The following AKNA variants were observed in gnomAD, a reference collection of about 807,000 sequenced individuals.
AKNA encodes microtubule organization protein AKNA.
Under a neutral mutation model 138.8 loss-of-function variants are expected in AKNA, and 67 were observed. That is an observed-to-expected ratio of 0.48 (90% CI 0.40 to 0.59). AKNA has a LOEUF of 0.59. Among genes scored for constraint, AKNA ranks in the 20% least tolerant of loss-of-function variants. The pLI is 0.00. For synonymous variants in AKNA, 737 were observed against 754.4 expected, an observed-to-expected ratio of 0.98 and a Z score of 0.38; for missense variants, 1,813 against 1,880.4, an observed-to-expected ratio of 0.96 and a Z score of 0.66.
At chr9:114,343,338 C>A (rs1389538435) in intron 19 of AKNA, among the ~76,000 whole-genome samples, 1 of 152,128 alleles carries the variant, frequency 6.6e-6, no homozygotes, top group African/African-American at 2.4e-5. Flanking sequence ...GGACTAGAAC[C>A]CATTGCCTGG....
intron 4 of AKNA, 104 bp downstream of exon 4, chr9:114,373,989 G>T: frequency 2.4e-6 from 3 of 1,245,184 alleles, no homozygotes; most frequent in Non-Finnish European, 3.4e-6. Context: ...TATCTCCAGG[G>T]CCTCAGTAGA....
chr9:114,361,994 ACT>A, intron 8 of AKNA, 83 bp from the exon 9 acceptor site: 2 of 1,411,148 alleles, frequency 1.4e-6, no homozygotes, highest in Non-Finnish European at 1.9e-6. Context: ...CAGAGCAGAG[ACT>A]CCAGGGGATG....
chr9:114,390,268 T>G (rs548395386), upstream of AKNA, among the ~76,000 whole-genome samples: 1 of 152,116 alleles, frequency 6.6e-6, no homozygotes, highest in South Asian at 2.1e-4. Flanking sequence ...CTGCCCCCTC[T>G]TGGATCACTG....
At chr9:114,338,225 T>C (rs1344174076) in intron 21 of AKNA, among the ~76,000 whole-genome samples, 3 of 152,232 alleles carry the variant, frequency 2.0e-5, no homozygotes, top group Admixed American at 2.0e-4. Flanking sequence ...TTATACAGTG[T>C]GTAGAAACAG....
intron 9 of AKNA, among the ~76,000 whole-genome samples, 188 bp from the exon 10 acceptor site, chr9:114,360,250 G>C (rs1323893454): frequency 1.3e-5 from 2 of 152,160 alleles, no homozygotes; most frequent in African/African-American, 4.8e-5. Flanking sequence ...GATACTGGCT[G>C]CCATGAATTG....
rs1354090636 is a variant in AKNA, at chr9:114,359,598, G to A, written c.2488C>T (p.Leu830=). 1 of 1,614,164 alleles carries A rather than the reference G, an allele frequency of 6.2e-7. No individual in the cohort carries two copies. Among genetic ancestry groups the A allele is most frequent in the South Asian group, 1.1e-5 (1 of 91,080 alleles). The change falls in exon 11 of 22, where the codon CTG becomes TTG. Residue 830 remains leucine (L), a synonymous_variant. Coordinates refer to ENST00000374088, the MANE Select transcript of AKNA (RefSeq NM_001317950.2). ...VQAEKSHGAP[L]EEATEKMVSM... ...AGGAAAGGCTCAGTGACTTACTCCA[G>A]GGGAGCCCCATGACTTTTCTCAGCC... is the stretch of plus-strand genomic sequence containing the variant.
intron 1 of AKNA, among the ~76,000 whole-genome samples, chr9:114,387,461 T>C (rs1224923071): frequency 6.6e-6 from 1 of 152,060 alleles, no homozygotes. Flanking sequence ...GGCCACTCCT[T>C]CAATAGGGAC....
chr9:114,381,628 G>A (rs1249075012), intron 1 of AKNA, among the ~76,000 whole-genome samples, 182 bp from the exon 2 acceptor site: 1 of 148,370 alleles, frequency 6.7e-6, no homozygotes, highest in Non-Finnish European at 1.5e-5. Context: ...AATAAAGCTG[G>A]GATAATAATT....
At chr9:114,396,436 T>C (rs765561163), upstream of AKNA, among the ~76,000 whole-genome samples, 4 of 152,018 alleles carry the variant, frequency 2.6e-5, no homozygotes, top group Non-Finnish European at 5.9e-5. Flanking sequence ...ATCCCAGCAC[T>C]TCAGGAGGCC....
chr9:114,353,452 T>C (rs976998584), intron 14 of AKNA, among the ~76,000 whole-genome samples: 3 of 152,108 alleles, frequency 2.0e-5, no homozygotes, highest in South Asian at 2.1e-4. Flanking sequence ...TTAGTGGAGA[T>C]GGGGTTTTGC....
intron 1 of AKNA, among the ~76,000 whole-genome samples, chr9:114,381,655 G>GTTTTTTTTTT (rs1160552279): frequency 3.6e-5 from 3 of 82,856 alleles, no homozygotes; most frequent in Non-Finnish European, 6.3e-5. Flanking sequence ...TCTCTCCAGG[G>GTTTTTTTTTT]TTTTTTTTTT....
chr9:114,368,446 C>G lies in AKNA; in HGVS notation c.1566G>C (p.Ala522=). ...CTCTTCTCCCGGACTCACCTGAGGC[C>G]GCAGAGGCCTGGGGGTCCTCGGCCG... ...PGPAEDPQAS[A]ASGWPSARGD... is the part of the protein sequence containing the mutation. Residue 522 remains alanine (A), a synonymous_variant, in exon 5 of 22, where the codon GCG becomes GCC. Transcript: ENST00000374088. 1 of 1,321,028 alleles carries G rather than the reference C, an allele frequency of 7.6e-7. No homozygotes were observed. Among genetic ancestry groups the G allele is most frequent in the Non-Finnish European group, 9.7e-7 (1 of 1,026,030 alleles). 81.8% of individuals were successfully genotyped at this position (1,321,028 alleles called of 1,614,324 possible).
downstream of AKNA, chr9:114,331,869 C>A (rs142563384): frequency 6.2e-7 from 1 of 1,613,820 alleles, no homozygotes; most frequent in East Asian, 2.2e-5. Context: ...GAGAGTTCTA[C>A]GAAGCTCTCG....
chr9:114,373,885 CAAAAAAAAAAA>C (rs758805914), intron 4 of AKNA, among the ~76,000 whole-genome samples, 197 bp downstream of exon 4: 67 of 79,002 alleles, frequency 8.5e-4, no homozygotes, highest in Non-Finnish European at 1.2e-3. Context: ...GACCCTGACT[CAAAAAAAAAAA>C]AAAAAAAAAA....
At chr9:114,367,194 G>C (rs182059687) in intron 6 of AKNA, among the ~76,000 whole-genome samples, 3 of 152,286 alleles carry the variant, frequency 2.0e-5, no homozygotes, top group Non-Finnish European at 2.9e-5. Flanking sequence ...ATCCTGAAGA[G>C]GAAAAGGTAG....
At chr9:114,341,903 C>G in intron 20 of AKNA, 106 bp downstream of exon 20, 2 of 1,350,878 alleles carry the variant, frequency 1.5e-6, no homozygotes, top group Non-Finnish European at 2.1e-6. Context: ...TTGCTCTGTC[C>G]CAGACTGGAA....
chr9:114,349,004 G>A (rs1830911169), intron 15 of AKNA: 1 of 455,896 alleles, frequency 2.2e-6, no homozygotes, highest in East Asian at 7.0e-5. Flanking sequence ...CCCCAGCGCT[G>A]AGTGTGTGTG....
intron 6 of AKNA, among the ~76,000 whole-genome samples, chr9:114,365,581 A>G (rs559057847): frequency 2.6e-5 from 4 of 152,164 alleles, no homozygotes; most frequent in African/African-American, 9.6e-5. Context: ...ACATAATTTT[A>G]TAATATATAA....
chr9:114,357,964 A>G lies in AKNA; in HGVS notation c.2696T>C (p.Leu899Pro), dbSNP rs372384798. 8.1e-6 allele frequency: 13 copies of G among 1,601,558 alleles called. No individual in the cohort carries two copies. The highest frequency in any genetic ancestry group is 9.4e-6 in the Non-Finnish European group (11 of 1,175,456). Reference protein sequence around the residue: ...SLEGSGISERLPQKPLHRGGG... With the variant: ...SLEGSGISERPPQKPLHRGGG... ...GCCTCGGTGCAAAGGCTTCTGTGGA[A>G]GGCGCTCAGAGATGCCGCTTCCCTC... The change falls in exon 12 of 22, where the codon CTT (leucine) becomes CCT (proline). Residue 899 changes from leucine to proline, a missense_variant. By Grantham distance (98) the Leu-to-Pro change is moderately conservative. Transcript: ENST00000374088.
Sources: gnomAD v4.1 joint callset for allele counts (sites outside exome capture counted in the v4.1 genomes callset) on GRCh38, gnomAD v4.1.1 for gene constraint, MANE v1.5 for transcripts, NCBI Gene and HGNC (gene_info 2026-07-23, HGNC 2026-07-21) for gene names.